Variants in GBE1 observed in about 807,000 individuals in gnomAD.
GBE1 encodes 1,4-alpha-glucan-branching enzyme.
A neutral mutation model predicts 88.8 loss-of-function variants in GBE1; 70 were observed. That is an observed-to-expected ratio of 0.79 (90% confidence interval 0.65 to 0.96). The LOEUF is 0.96. Ranked by LOEUF, GBE1 falls within the 40% of genes least tolerant of loss-of-function variation. GBE1 has a pLI of 0.00. For synonymous variants in GBE1, 284 were observed against 300.1 expected (o/e 0.95, Z 0.56); for missense variants, 872 against 871.0 (o/e 1.00, Z -0.01).
chr3:81,702,082 G>GGAGAGAGAGA (rs145867211), intron 2 of GBE1, among the ~76,000 whole-genome samples: 6 of 76,774 alleles, frequency 7.8e-5, no homozygotes, highest in African/African-American at 3.9e-4. Context: ...CAGAATCCCT[G>GGAGAGAGAGA]GAGAGAGAGA....
intron 7 of GBE1, 107 bp from the exon 8 acceptor site, chr3:81,594,130 T>A (rs1257525241): frequency 1.9e-6 from 1 of 539,496 alleles, no homozygotes; most frequent in African/African-American, 2.0e-5. Flanking sequence ...ATCTCAAGAA[T>A]CATAATGTTC....
At chr3:81,616,206 T>C (rs979278243) in intron 7 of GBE1, among the ~76,000 whole-genome samples, 1 of 152,190 alleles carries the variant, frequency 6.6e-6, no homozygotes, top group Admixed American at 6.5e-5. Flanking sequence ...AAGAACTTTA[T>C]ATCACAATCT....
At chr3:81,579,292 AT>A (rs1446314888) in intron 11 of GBE1, among the ~76,000 whole-genome samples, 3 of 152,034 alleles carry the variant, frequency 2.0e-5, no homozygotes, top group Non-Finnish European at 2.9e-5. Context: ...ATACATTTAT[AT>A]TTTTTATCAG....
chr3:81,536,792 C>T, intron 13 of GBE1, 119 bp downstream of exon 13: 1 of 716,730 alleles, frequency 1.4e-6, no homozygotes, highest in East Asian at 3.0e-5. Flanking sequence ...GTACAGGACA[C>T]TAGACACTGA....
intron 1 of GBE1, among the ~76,000 whole-genome samples, chr3:81,740,345 A>G (rs549126009): frequency 2.0e-5 from 3 of 152,198 alleles, no homozygotes; most frequent in Non-Finnish European, 4.4e-5. Flanking sequence ...CACCAAGAAA[A>G]TAAGATTTTC....
chr3:81,581,371 T>C (rs1703728925), intron 10 of GBE1, 96 bp from the exon 11 acceptor site: 2 of 697,296 alleles, frequency 2.9e-6, no homozygotes, highest in Non-Finnish European at 4.8e-6. Context: ...CAGTGCAAAC[T>C]ATTTGATAAG....
chr3:81,758,625 T>C (rs1706635292), intron 1 of GBE1, among the ~76,000 whole-genome samples: 1 of 152,248 alleles, frequency 6.6e-6, no homozygotes, highest in African/African-American at 2.4e-5. Context: ...TTATAACAAC[T>C]AATTGTAGTG....
chr3:81,643,735 A>G (rs1242800452), intron 6 of GBE1, among the ~76,000 whole-genome samples: 1 of 152,134 alleles, frequency 6.6e-6, no homozygotes, highest in Non-Finnish European at 1.5e-5. Flanking sequence ...AGCGGCTGTT[A>G]CTATCAGGCT....
At chr3:81,603,235 T>C (rs1203361890) in intron 7 of GBE1, among the ~76,000 whole-genome samples, 3 of 152,144 alleles carry the variant, frequency 2.0e-5, no homozygotes, top group Admixed American at 6.6e-5. Flanking sequence ...CATATTTATA[T>C]ACGATTTTGC....
At chr3:81,570,947 AGATAAT>A (rs1270334893) in intron 12 of GBE1, among the ~76,000 whole-genome samples, 1 of 152,216 alleles carries the variant, frequency 6.6e-6, no homozygotes, top group African/African-American at 2.4e-5. Context: ...CCTATATAAA[AGATAAT>A]GATAACATGA....
intron 1 of GBE1, among the ~76,000 whole-genome samples, chr3:81,750,659 GTATATATA>G (rs1553696645): frequency 0.022 from 773 of 35,248 alleles, 81 homozygotes; most frequent in African/African-American, 0.075. Flanking sequence ...ATATATATAT[GTATATATA>G]TATATACGTA....
At chr3:81,592,772 G>C (rs1703896664) in intron 8 of GBE1, among the ~76,000 whole-genome samples, 1 of 151,714 alleles carries the variant, frequency 6.6e-6, no homozygotes, top group South Asian at 2.1e-4. Flanking sequence ...GGGGCACGTA[G>C]GTGTTTAAAT....
chr3:81,655,700 A>G (rs2107086391), intron 3 of GBE1, among the ~76,000 whole-genome samples: 1 of 151,924 alleles, frequency 6.6e-6, no homozygotes, highest in African/African-American at 2.4e-5. Flanking sequence ...TATTTTTTTT[A>G]GTAGAGGCAG....
chr3:81,532,059 T>A (rs893891113), intron 14 of GBE1, among the ~76,000 whole-genome samples: 1 of 151,928 alleles, frequency 6.6e-6, no homozygotes, highest in African/African-American at 2.4e-5. Flanking sequence ...AGCAAACAGA[T>A]TCTCTTCTTC....
chr3:81,661,543 G>A (rs1220897265), intron 3 of GBE1, among the ~76,000 whole-genome samples: 1 of 152,128 alleles, frequency 6.6e-6, no homozygotes, highest in African/African-American at 2.4e-5. Context: ...CTTTAATTCA[G>A]TAAGAAAATA....
At chr3:81,493,595 C>T (rs1320462593) in intron 15 of GBE1, among the ~76,000 whole-genome samples, 2 of 150,662 alleles carry the variant, frequency 1.3e-5, no homozygotes, top group Admixed American at 6.6e-5. Context: ...TTCAATGGCA[C>T]AATCTTGGCT....
At chr3:81,624,648 A>T (rs573812278) in intron 7 of GBE1, among the ~76,000 whole-genome samples, 1 of 150,666 alleles carries the variant, frequency 6.6e-6, no homozygotes, top group African/African-American at 2.4e-5. Context: ...TGTGATACAC[A>T]CACATGCATA....
At chr3:81,574,246 C>T (rs1425563139) in intron 12 of GBE1, among the ~76,000 whole-genome samples, 1 of 152,132 alleles carries the variant, frequency 6.6e-6, no homozygotes, top group Admixed American at 6.5e-5. Flanking sequence ...ATTAGGACAT[C>T]AGCATTCAGG....
Position 81,705,456 on chromosome 3 carries a change from T to C in GBE1, c.301A>G (p.Thr101Ala). The C allele has an allele frequency of 6.3e-7, 1 of 1,586,542 alleles. No individual in the cohort carries two copies. ...TTCAAGTACTTACTAAAATCTCCAG[T>C]AAGAAAAACTCCTTCTGCTCCCGGG... Reference protein sequence around the residue: ...WAPGAEGVFLTGDFNGWNPFS... With the variant: ...WAPGAEGVFLAGDFNGWNPFS... Residue 101 changes from threonine (T) to alanine (A), a missense_variant, in exon 2 of 16, where the codon ACT (threonine) becomes GCT (alanine). Transcript: ENST00000429644.
Sources: allele counts gnomAD v4.1 joint callset (sites outside exome capture counted in the v4.1 genomes callset), GRCh38; gene constraint gnomAD v4.1.1; transcripts MANE v1.5; gene names NCBI Gene and HGNC (gene_info 2026-07-23, HGNC 2026-07-21).